DIS3L2: variants seen among roughly 807,000 people sequenced by gnomAD.
The protein encoded by DIS3L2 is DIS3 like 3'-5' exoribonuclease 2.
DIS3L2 carries 34 observed loss-of-function variants against 97.5 expected under a neutral mutation model. The ratio of observed to expected loss-of-function variants is 0.35; its 90% CI spans 0.27 to 0.46. The LOEUF (loss-of-function observed/expected upper bound fraction) is 0.46, where lower values mean the gene tolerates loss of function less well. DIS3L2 is among the 20% of genes least tolerant of loss of function. DIS3L2 has a pLI of 1.00. For synonymous variants in DIS3L2, 435 were observed against 445.2 expected, an observed-to-expected ratio of 0.98 and a Z score of 0.29; for missense variants, 1,038 against 1,146.0, an observed-to-expected ratio of 0.91 and a Z score of 1.36.
At chr2:232,192,918 G>A (rs559775307) in intron 9 of DIS3L2, among the ~76,000 whole-genome samples, 1 of 152,286 alleles carries the variant, frequency 6.6e-6, no homozygotes, top group East Asian at 1.9e-4. Flanking sequence ...AAGAAACCCA[G>A]AAAGACTTCT....
At chr2:232,092,903 T>C (rs767031720) in intron 6 of DIS3L2, among the ~76,000 whole-genome samples, 2 of 152,188 alleles carry the variant, frequency 1.3e-5, no homozygotes, top group Non-Finnish European at 2.9e-5. Context: ...GTCTGATTGC[T>C]CTAGCTAGGA....
chr2:232,137,011 T>G (rs891765653), intron 8 of DIS3L2, among the ~76,000 whole-genome samples: 2 of 152,192 alleles, frequency 1.3e-5, no homozygotes, highest in African/African-American at 4.8e-5. Context: ...TTTGTACTTG[T>G]GTACCACAGA....
intron 1 of DIS3L2, among the ~76,000 whole-genome samples, chr2:232,006,381 C>G (rs1160513932): frequency 1.3e-5 from 2 of 152,092 alleles, no homozygotes; most frequent in Non-Finnish European, 2.9e-5. Flanking sequence ...AAGGAATCTA[C>G]TTAGGACTCA....
chr2:232,210,680 C>T (rs1014187687), intron 10 of DIS3L2, among the ~76,000 whole-genome samples: 4 of 152,228 alleles, frequency 2.6e-5, no homozygotes, highest in Non-Finnish European at 4.4e-5. Flanking sequence ...AGAATGAATT[C>T]CAAGCCTTGG....
At chr2:232,039,810 A>T (rs1276295545) in intron 5 of DIS3L2, among the ~76,000 whole-genome samples, 1 of 152,176 alleles carries the variant, frequency 6.6e-6, no homozygotes, top group Non-Finnish European at 1.5e-5. Context: ...AGATCTCTTG[A>T]CTTACAGCTT....
intron 14 of DIS3L2, among the ~76,000 whole-genome samples, chr2:232,309,669 C>T (rs965472029): frequency 1.4e-4 from 22 of 152,070 alleles, no homozygotes; most frequent in South Asian, 6.3e-4. Flanking sequence ...GGTTCACTGA[C>T]GGAAAGTCCT....
downstream of DIS3L2, among the ~76,000 whole-genome samples, chr2:232,337,731 C>T (rs139460905): frequency 7.6e-3 from 1,154 of 151,976 alleles, 42 homozygotes; most frequent in Admixed American, 0.053. Context: ...GATTAACAAG[C>T]TCATTTGATC....
intron 14 of DIS3L2, among the ~76,000 whole-genome samples, chr2:232,303,176 T>C (rs1018634681): frequency 6.6e-6 from 1 of 152,216 alleles, no homozygotes; most frequent in African/African-American, 2.4e-5. Context: ...CCTTTGGTTG[T>C]GTACGACGCT....
chr2:232,321,437 G>T (rs1432288900), intron 14 of DIS3L2, among the ~76,000 whole-genome samples: 1 of 152,194 alleles, frequency 6.6e-6, no homozygotes, highest in South Asian at 2.1e-4. Context: ...TCACCCAGGG[G>T]CCATGATGTC....
intron 10 of DIS3L2, among the ~76,000 whole-genome samples, chr2:232,220,155 A>G (rs1008440205): frequency 7.0e-5 from 9 of 128,348 alleles, no homozygotes; most frequent in East Asian, 5.9e-4. Context: ...AAATAAATAA[A>G]TAAATAAGCT....
At chr2:232,334,568 G>T in intron 18 of DIS3L2, 63 bp from the exon 19 acceptor site, 1 of 1,603,942 alleles carries the variant, frequency 6.2e-7, no homozygotes, top group Non-Finnish European at 8.5e-7. Context: ...CTGCTCACCA[G>T]GAGGCCTCGA....
Position 232,228,370 on chromosome 2 carries a change from C to T in DIS3L2, c.1205-10163C>T, listed in dbSNP as rs1040569043. Among the ~76,000 whole-genome samples the T allele has an allele frequency of 5.3e-5, 8 of 152,316 alleles. No homozygotes were observed. The East Asian group carries it at 1.2e-3, about 22-fold the overall frequency. ...AACCATTCTGCTGGGATTCCACACA[C>T]GCATTCCCTGCACAGCCTCAGACAT... On this transcript the variant is annotated intron_variant, in intron 10 of 20. Coordinates refer to ENST00000325385, the MANE Select transcript of DIS3L2 (RefSeq NM_152383.5).
intron 8 of DIS3L2, among the ~76,000 whole-genome samples, chr2:232,148,283 G>A (rs1256061776): frequency 3.9e-5 from 6 of 151,992 alleles, no homozygotes; most frequent in Admixed American, 6.6e-5. Context: ...TCTTGACTTC[G>A]TGATCCACCC....
At position 232,226,146 on chromosome 2, in the gene DIS3L2, C is replaced by T. The variant is rs542546534; in HGVS notation, c.1205-12387C>T. ...GCCTATACTAAAAACCATTCAGTTG[C>T]ACACTTTGAGTGAACTGTGTGGTAT... On this transcript the variant is annotated intron_variant, in intron 10 of 20. Coordinates refer to ENST00000325385, the MANE Select transcript of DIS3L2 (RefSeq NM_152383.5). 1.5e-4 allele frequency among the ~76,000 whole-genome samples: 23 copies of T among 152,320 alleles called. No individual in the cohort carries two copies. The South Asian group carries it at 4.8e-3, about 32-fold the overall frequency.
intron 20 of DIS3L2, 75 bp downstream of exon 20, chr2:232,335,949 C>A: frequency 6.5e-7 from 1 of 1,545,272 alleles, no homozygotes; most frequent in Non-Finnish European, 8.7e-7. Context: ...CCCCTCATTC[C>A]TTCATCTGTG....
chr2:232,192,059 T>C (rs1402532352), intron 9 of DIS3L2, among the ~76,000 whole-genome samples: 1 of 152,138 alleles, frequency 6.6e-6, no homozygotes, highest in African/African-American at 2.4e-5. Context: ...TCATAGCTAG[T>C]AGATCATCTT....
chr2:232,186,237 C>T (rs1323326823), intron 9 of DIS3L2, among the ~76,000 whole-genome samples: 2 of 152,170 alleles, frequency 1.3e-5, no homozygotes, highest in Non-Finnish European at 2.9e-5. Flanking sequence ...GACATCACTA[C>T]AGATACTGCA....
intron 14 of DIS3L2, among the ~76,000 whole-genome samples, chr2:232,312,026 C>G (rs1695148508): frequency 6.6e-6 from 1 of 152,116 alleles, no homozygotes; most frequent in Non-Finnish European, 1.5e-5. Context: ...AAATTTCTTG[C>G]CTGTTTTTCT....
At chr2:232,336,419 C>G (rs763203311) in intron 20 of DIS3L2, 50 bp from the exon 21 acceptor site, 4 of 1,576,398 alleles carry the variant, frequency 2.5e-6, no homozygotes, top group African/African-American at 2.7e-5. Flanking sequence ...AGCTGCGCCT[C>G]GACATCAGGC....
Sources: allele counts gnomAD v4.1 joint callset (sites outside exome capture counted in the v4.1 genomes callset), GRCh38; gene constraint gnomAD v4.1.1; transcripts MANE v1.5; gene names NCBI Gene and HGNC (gene_info 2026-07-23, HGNC 2026-07-21).